The following HSD17B12 variants were observed in gnomAD, a reference collection of about 807,000 sequenced individuals.
The protein encoded by HSD17B12 is hydroxysteroid 17-beta dehydrogenase 12, also known as very-long-chain 3-oxoacyl-CoA reductase.
Under a neutral mutation model 39.3 loss-of-function variants are expected in HSD17B12, and 32 were observed. That is an observed-to-expected ratio of 0.81 (90% CI 0.61 to 1.09). HSD17B12 has a LOEUF of 1.09. Among genes scored for constraint, HSD17B12 ranks in the 50% least tolerant of loss-of-function variants. The pLI is 0.00. For synonymous variants in HSD17B12, 150 were observed against 146.7 expected, an observed-to-expected ratio of 1.02 and a Z score of -0.16; for missense variants, 342 against 382.9, an observed-to-expected ratio of 0.89 and a Z score of 0.89.
rs1173660644 is a variant in HSD17B12, at chr11:43,856,266, C to G, written c.*1018C>G. ...TTACAATGACTTAATATAAGACTGA[C>G]TTTTATCCTGCTTCATAACTTGTAT... On this transcript the variant is annotated 3_prime_UTR_variant, in exon 11 of 11. Coordinates refer to ENST00000278353, the MANE Select transcript of HSD17B12 (RefSeq NM_016142.3). 1 of 152,136 alleles carries G rather than the reference C, an allele frequency of 6.6e-6. No individual in the cohort carries two copies. Among genetic ancestry groups the G allele is most frequent in the Non-Finnish European group, 1.5e-5 (1 of 68,032 alleles). 9.4% of individuals were successfully genotyped at this position (152,136 alleles called of 1,614,324 possible).
At chr11:43,620,774 G>A in the HSD17B12 span, among the ~76,000 whole-genome samples, 23 of 152,288 alleles carry the variant, frequency 1.5e-4, no homozygotes, top group East Asian at 9.6e-4. Flanking sequence ...CCTAAAAGAC[G>A]AGAACTCTGG....
chr11:43,770,665 G>A (rs1950640519), intron 3 of HSD17B12, among the ~76,000 whole-genome samples: 1 of 152,204 alleles, frequency 6.6e-6, no homozygotes, highest in South Asian at 2.1e-4. Context: ...AGCCTGGGAG[G>A]TTGAGGCTGC....
chr11:43,635,854 A>G, the HSD17B12 span, among the ~76,000 whole-genome samples: 1 of 152,212 alleles, frequency 6.6e-6, no homozygotes, highest in East Asian at 1.9e-4. Context: ...CAGGTAATGC[A>G]ATGCTTTTTG....
chr11:43,784,138 A>G (rs1024744285), intron 3 of HSD17B12, among the ~76,000 whole-genome samples: 1 of 151,980 alleles, frequency 6.6e-6, no homozygotes, highest in African/African-American at 2.4e-5. Context: ...AGGGCTTACA[A>G]CTCCTAAGGG....
chr11:43,705,923 C>T (rs376291331), intron 1 of HSD17B12, among the ~76,000 whole-genome samples: 3 of 151,678 alleles, frequency 2.0e-5, no homozygotes, highest in South Asian at 2.1e-4. Context: ...CCATCTTTCC[C>T]GGTTAATTTT....
the HSD17B12 span, among the ~76,000 whole-genome samples, chr11:43,582,903 C>G: frequency 1.3e-5 from 2 of 152,256 alleles, no homozygotes; most frequent in African/African-American, 4.8e-5. Context: ...TAAAAAGGTT[C>G]CTAAGATCTG....
In HSD17B12 at chr11:43,733,848, G is replaced by A. The variant is rs1432881995; in HGVS notation, c.161-17063G>A. 4 of 680,560 alleles carry A rather than the reference G, an allele frequency of 5.9e-6. No homozygotes were observed. In the Admixed American group the frequency reaches 7.5e-5, roughly 13 times the overall value. 42.2% of individuals were successfully genotyped at this position (680,560 alleles called of 1,614,324 possible). A position where few individuals can be genotyped will look rare whatever the true frequency, so the allele number is the denominator to read the frequency against. ...TGGTAAACTCTGCCTTATATAATGT[G>A]GATGCTGGGCACAGAGCTGCGATCT... On this transcript the variant is annotated intron_variant, in intron 1 of 10. Coordinates refer to ENST00000278353, the MANE Select transcript of HSD17B12 (RefSeq NM_016142.3).
At chr11:43,678,369 C>G (rs1031820645), upstream of HSD17B12, among the ~76,000 whole-genome samples, 4 of 152,148 alleles carry the variant, frequency 2.6e-5, no homozygotes, top group Admixed American at 6.5e-5. Flanking sequence ...AAAATTTTCT[C>G]CCATTCTGTA....
At chr11:43,680,661 G>A (rs1424223987), upstream of HSD17B12, 2 of 658,950 alleles carry the variant, frequency 3.0e-6, no homozygotes, top group South Asian at 1.7e-5. Flanking sequence ...GGAAAGACGG[G>A]TCACCAATAG....
chr11:43,563,062 T>C, the HSD17B12 span, among the ~76,000 whole-genome samples: 190 of 152,310 alleles, frequency 1.2e-3, no homozygotes, highest in Non-Finnish European at 2.3e-3. Context: ...GGTATCACTA[T>C]CTACTCCTCA....
chr11:43,747,303 G>A, intron 1 of HSD17B12, among the ~76,000 whole-genome samples: 1 of 152,168 alleles, frequency 6.6e-6, no homozygotes, highest in Non-Finnish European at 1.5e-5. Flanking sequence ...TTAAAGATGT[G>A]CCAAGTGTTG....
At chr11:43,627,875 GC>G in the HSD17B12 span, among the ~76,000 whole-genome samples, 2 of 151,812 alleles carry the variant, frequency 1.3e-5, no homozygotes, top group Non-Finnish European at 2.9e-5. Context: ...TCTGCAAAAT[GC>G]CATACAATAA....
chr11:43,760,134 G>A (rs1177865187), intron 3 of HSD17B12, among the ~76,000 whole-genome samples: 1 of 152,160 alleles, frequency 6.6e-6, no homozygotes, highest in Non-Finnish European at 1.5e-5. Context: ...CTGGCTTCAT[G>A]TGATCCACCC....
the HSD17B12 span, among the ~76,000 whole-genome samples, chr11:43,654,683 T>G: frequency 2.0e-5 from 3 of 152,194 alleles, no homozygotes; most frequent in South Asian, 4.1e-4. Flanking sequence ...TTTTGTCAGG[T>G]TTGTCAAAGA....
At chr11:43,583,022 CG>C in the HSD17B12 span, among the ~76,000 whole-genome samples, 1 of 152,170 alleles carries the variant, frequency 6.6e-6, no homozygotes, top group African/African-American at 2.4e-5. Flanking sequence ...ATAAGAACCA[CG>C]TTAGATTAAT....
In HSD17B12 at chr11:43,838,349, G is replaced by T; in HGVS notation, c.569G>T (p.Gly190Val). The T allele has an allele frequency of 1.9e-6, 3 of 1,613,136 alleles. No homozygotes were observed. The highest frequency in any genetic ancestry group is 2.5e-6 in the Non-Finnish European group (3 of 1,179,352). Residue 190 changes from glycine to valine, a missense_variant, in exon 8 of 11, where the codon GGC becomes GTC. Gly to Val is a moderately radical substitution (Grantham distance 109). Coordinates refer to ENST00000278353, the MANE Select transcript of HSD17B12 (RefSeq NM_016142.3). ...GGGGCTATTCTGAACATTTCATCTG[G>T]CAGTGGCATGCTCCCTGTCCCACTC... ...SKGAILNISS[G>V]SGMLPVPLLT...
intron 3 of HSD17B12, among the ~76,000 whole-genome samples, chr11:43,779,120 A>C (rs1950739774): frequency 6.6e-6 from 1 of 152,332 alleles, no homozygotes; most frequent in Non-Finnish European, 1.5e-5. Flanking sequence ...CTTGCCTTAC[A>C]TTTCAAAATC....
chr11:43,804,736 A>T (rs1951002814), intron 4 of HSD17B12, among the ~76,000 whole-genome samples: 1 of 152,206 alleles, frequency 6.6e-6, no homozygotes, highest in South Asian at 2.1e-4. Context: ...TAGGATAGAG[A>T]ATAGTTGAAT....
chr11:43,597,048 T>C, the HSD17B12 span, among the ~76,000 whole-genome samples: 1 of 152,234 alleles, frequency 6.6e-6, no homozygotes, highest in Non-Finnish European at 1.5e-5. Context: ...TCAATAAACA[T>C]TCATTCACTT....
Sources: gnomAD v4.1 joint callset for allele counts (sites outside exome capture counted in the v4.1 genomes callset) on GRCh38, gnomAD v4.1.1 for gene constraint, MANE v1.5 for transcripts, NCBI Gene and HGNC (gene_info 2026-07-23, HGNC 2026-07-21) for gene names.